UBE2E2: variants seen among roughly 807,000 people sequenced by gnomAD.
UBE2E2 encodes ubiquitin-conjugating enzyme E2 E2.
In UBE2E2, 6 loss-of-function variants were observed where a neutral mutation model predicts 24.7. The observed-to-expected ratio is 0.24, with a 90% CI of 0.13 to 0.48. The LOEUF (loss-of-function observed/expected upper bound fraction) is 0.48. Ranked by LOEUF, UBE2E2 falls within the 20% of genes least tolerant of loss-of-function variation. UBE2E2 has a pLI of 0.99. For synonymous variants in UBE2E2, 104 were observed against 83.6 expected (o/e 1.24, Z -1.33); for missense variants, 169 against 245.0 (o/e 0.69, Z 2.07).
At chr3:23,507,215 T>A (rs1032604703) in intron 4 of UBE2E2, among the ~76,000 whole-genome samples, 39 of 152,300 alleles carry the variant, frequency 2.6e-4, no homozygotes, top group African/African-American at 9.1e-4. Flanking sequence ...ATGTCACCTT[T>A]TCAGAGAGGT....
rs76518785 is a variant in UBE2E2, at chr3:23,553,417, T to C, written c.508+20716T>C. 8.2e-3 allele frequency among the ~76,000 whole-genome samples: 1,252 copies of C among 152,288 alleles called. 7 individuals are homozygous for C. The highest frequency in any genetic ancestry group is 0.017 in the Middle Eastern group (5 of 294). On this transcript the variant is annotated intron_variant, in intron 5 of 5. Coordinates refer to ENST00000396703, the MANE Select transcript of UBE2E2 (RefSeq NM_152653.4). ...CTTTTAATCTCTTTTAAGTTAATAC[T>C]TCAGTATACTGGTAGCTATAACTAT...
intron 3 of UBE2E2, among the ~76,000 whole-genome samples, chr3:23,265,730 A>C (rs889933737): frequency 3.3e-5 from 5 of 152,236 alleles, no homozygotes; most frequent in Admixed American, 3.3e-4. Context: ...AGGTCTGTCT[A>C]ATGTTGACAG....
intron 4 of UBE2E2, among the ~76,000 whole-genome samples, chr3:23,500,908 C>T (rs1332796182): frequency 1.3e-5 from 2 of 152,212 alleles, no homozygotes; most frequent in African/African-American, 4.8e-5. Flanking sequence ...GCCCATACTT[C>T]TTCCTACATT....
chr3:23,312,131 C>T lies in UBE2E2; in HGVS notation c.227+94819C>T, dbSNP rs140635883. On this transcript the variant is annotated intron_variant, in intron 3 of 5. Transcript: ENST00000396703. The stretch of plus-strand genomic sequence containing the variant: ...ACTCATAACATGTGAGATGCCTGCT[C>T]GCCCTTTGCCTTCTGCCATGATTGG... Among the ~76,000 whole-genome samples the T allele has an allele frequency of 2.3e-3, 345 of 152,238 alleles. 3 individuals carry two copies. Among genetic ancestry groups the T allele is most frequent in the African/African-American group, 7.9e-3 (327 of 41,546 alleles).
At chr3:23,427,259 CA>C (rs74787665) in intron 3 of UBE2E2, among the ~76,000 whole-genome samples, 1,501 of 88,470 alleles carry the variant, frequency 0.017, 11 homozygotes, top group African/African-American at 0.052. Flanking sequence ...CCATCTCTAC[CA>C]AAAAAAAAAA....
At chr3:23,396,370 T>C (rs1442101583) in intron 3 of UBE2E2, among the ~76,000 whole-genome samples, 1 of 148,092 alleles carries the variant, frequency 6.8e-6, no homozygotes, top group Non-Finnish European at 1.5e-5. Context: ...CTATATAAAA[T>C]AAAAAATTAT....
At chr3:23,256,334 G>A (rs557309962) in intron 3 of UBE2E2, among the ~76,000 whole-genome samples, 1 of 152,042 alleles carries the variant, frequency 6.6e-6, no homozygotes, top group Non-Finnish European at 1.5e-5. Flanking sequence ...GTAAAATATT[G>A]TTACTGCCTT....
intron 3 of UBE2E2, among the ~76,000 whole-genome samples, chr3:23,373,061 G>C (rs1696435245): frequency 6.6e-6 from 1 of 152,114 alleles, no homozygotes; most frequent in South Asian, 2.1e-4. Context: ...TTCTACAGCA[G>C]GATAGGAAGT....
intron 3 of UBE2E2, among the ~76,000 whole-genome samples, chr3:23,269,310 A>G (rs1262051355): frequency 2.6e-5 from 4 of 152,224 alleles, no homozygotes; most frequent in African/African-American, 7.2e-5. Flanking sequence ...TCATCTGACA[A>G]AGGGCTAATA....
chr3:23,574,547 T>G (rs980318325), intron 5 of UBE2E2, among the ~76,000 whole-genome samples: 10 of 152,146 alleles, frequency 6.6e-5, no homozygotes, highest in Non-Finnish European at 1.2e-4. Flanking sequence ...TTATAAATTT[T>G]TATAAAGAAA....
At chr3:23,225,111 C>G (rs2125327816) in intron 3 of UBE2E2, among the ~76,000 whole-genome samples, 1 of 152,136 alleles carries the variant, frequency 6.6e-6, no homozygotes, top group African/African-American at 2.4e-5. Context: ...AATGTTAGTT[C>G]AAATCCTGCT....
At chr3:23,359,819 G>C (rs2125330110) in intron 3 of UBE2E2, among the ~76,000 whole-genome samples, 1 of 152,292 alleles carries the variant, frequency 6.6e-6, no homozygotes, top group Middle Eastern at 3.4e-3. Context: ...GGAGATTCAT[G>C]AAACATAGAT....
chr3:23,458,563 G>A (rs538299536), intron 3 of UBE2E2, among the ~76,000 whole-genome samples: 58 of 152,108 alleles, frequency 3.8e-4, no homozygotes, highest in African/African-American at 1.2e-3. Flanking sequence ...GACCACAGGC[G>A]CCCATCACCA....
At chr3:23,256,749 C>T (rs999558322) in intron 3 of UBE2E2, among the ~76,000 whole-genome samples, 4 of 152,156 alleles carry the variant, frequency 2.6e-5, no homozygotes, top group South Asian at 2.1e-4. Context: ...TAATCTTTCA[C>T]GTGGGAGCTT....
intron 5 of UBE2E2, among the ~76,000 whole-genome samples, chr3:23,540,552 G>C (rs138897009): frequency 6.6e-6 from 1 of 151,974 alleles, no homozygotes; most frequent in Non-Finnish European, 1.5e-5. Context: ...TTACAGGCGC[G>C]CACCACCACG....
At chr3:23,248,645 A>G (rs1328790815) in intron 3 of UBE2E2, among the ~76,000 whole-genome samples, 1 of 152,230 alleles carries the variant, frequency 6.6e-6, no homozygotes, top group African/African-American at 2.4e-5. Context: ...GAGAAATATA[A>G]TTTAAGAGTG....
intron 5 of UBE2E2, among the ~76,000 whole-genome samples, chr3:23,549,700 C>A (rs953136834): frequency 1.4e-5 from 2 of 139,324 alleles, no homozygotes; most frequent in Non-Finnish European, 3.1e-5. Context: ...TCCATATTAG[C>A]TGTGTTAGGT....
chr3:23,447,429 T>C (rs2125413522), intron 3 of UBE2E2, among the ~76,000 whole-genome samples: 1 of 152,354 alleles, frequency 6.6e-6, no homozygotes, highest in South Asian at 2.1e-4. Flanking sequence ...GTAGTTATTG[T>C]GAGTTAGTTG....
At chr3:23,469,730 A>G (rs1314249767) in intron 3 of UBE2E2, among the ~76,000 whole-genome samples, 3 of 152,224 alleles carry the variant, frequency 2.0e-5, no homozygotes, top group African/African-American at 7.2e-5. Context: ...TTCAAAGAGA[A>G]TATAACATTG....
Sources: allele counts gnomAD v4.1 joint callset (sites outside exome capture counted in the v4.1 genomes callset), GRCh38; gene constraint gnomAD v4.1.1; transcripts MANE v1.5; gene names NCBI Gene and HGNC (gene_info 2026-07-23, HGNC 2026-07-21).